Variants in CRYBA4 observed in about 807,000 individuals in gnomAD.
CRYBA4 encodes the protein beta-crystallin A4.
In CRYBA4, 30 loss-of-function variants were observed where a neutral mutation model predicts 31.7. That is an observed-to-expected ratio of 0.95 (90% CI 0.71 to 1.28). CRYBA4 has a LOEUF of 1.28. Among genes scored for constraint, CRYBA4 ranks in the 50% most tolerant of loss-of-function variants. CRYBA4 has a pLI of 0.00. For missense variants in CRYBA4, 225 were observed against 260.7 expected, an observed-to-expected ratio of 0.86 and a Z score of 0.94; for synonymous variants, 102 against 102.3, an observed-to-expected ratio of 1.00 and a Z score of 0.02.
chr22:26,628,546 G>A (rs1181458014), intron 5 of CRYBA4, 116 bp downstream of exon 5: 13 of 1,215,612 alleles, frequency 1.1e-5, no homozygotes, highest in Non-Finnish European at 1.5e-5. Context: ...CATTCCAGAG[G>A]AGAACACTGA....
chr22:26,597,128 T>C, the CRYBA4 span, among the ~76,000 whole-genome samples: 1 of 152,104 alleles, frequency 6.6e-6, no homozygotes, highest in Non-Finnish European at 1.5e-5. Context: ...TGTCTCAACT[T>C]TGAAGCTCAG....
the CRYBA4 span, chr22:26,601,840 T>C: frequency 5.6e-6 from 9 of 1,610,996 alleles, 1 homozygote; most frequent in Middle Eastern, 4.5e-4. Context: ...TGCCTGTGCT[T>C]GAAGCAGGGG....
chr22:26,622,926 A>G (rs1430583227), intron 2 of CRYBA4, among the ~76,000 whole-genome samples: 1 of 152,216 alleles, frequency 6.6e-6, no homozygotes, highest in Admixed American at 6.5e-5. Flanking sequence ...TGGATTTATC[A>G]TCAGCCTTTA....
chr22:26,623,172 C>G (rs1929588314), intron 2 of CRYBA4, 62 bp from the exon 3 acceptor site: 2 of 1,407,134 alleles, frequency 1.4e-6, no homozygotes, highest in African/African-American at 1.4e-5. Context: ...GGCGAGCCCC[C>G]AACCTCTCAC....
chr22:26,601,940 G>C, the CRYBA4 span: 1 of 1,613,294 alleles, frequency 6.2e-7, no homozygotes. Context: ...CAGAGACTGG[G>C]TGCGTCGTCC....
the CRYBA4 span, among the ~76,000 whole-genome samples, chr22:26,604,085 C>T: frequency 6.6e-6 from 1 of 152,224 alleles, no homozygotes; most frequent in Non-Finnish European, 1.5e-5. Flanking sequence ...CAAAAGTCAT[C>T]ATGCACTGTT....
upstream of CRYBA4, among the ~76,000 whole-genome samples, chr22:26,619,918 T>C (rs1322915697): frequency 6.6e-6 from 1 of 152,210 alleles, no homozygotes; most frequent in Non-Finnish European, 1.5e-5. Flanking sequence ...GAGCATTTAT[T>C]ATTATTATTG....
At chr22:26,593,680 T>C in the CRYBA4 span, among the ~76,000 whole-genome samples, 1 of 151,956 alleles carries the variant, frequency 6.6e-6, no homozygotes, top group Admixed American at 6.6e-5. Flanking sequence ...CATGCGCCAA[T>C]ATGCCTGGCT....
chr22:26,600,552 A>G, the CRYBA4 span, among the ~76,000 whole-genome samples: 1 of 152,252 alleles, frequency 6.6e-6, no homozygotes, highest in East Asian at 1.9e-4. Flanking sequence ...AAGGTATCAG[A>G]ACCTCAATGT....
At chr22:26,608,403 G>A in the CRYBA4 span, among the ~76,000 whole-genome samples, 1 of 149,556 alleles carries the variant, frequency 6.7e-6, no homozygotes, top group African/African-American at 2.4e-5. Flanking sequence ...GAAACTTGAC[G>A]CCAGCTAGGA....
chr22:26,619,278 C>T (rs753346103), upstream of CRYBA4, among the ~76,000 whole-genome samples: 2 of 152,144 alleles, frequency 1.3e-5, no homozygotes, highest in South Asian at 2.1e-4. Context: ...GAGCGAGAGA[C>T]GGAGAGACAG....
intron 1 of CRYBA4, 131 bp from the exon 2 acceptor site, chr22:26,622,454 C>T (rs1602337651): frequency 2.6e-6 from 2 of 764,542 alleles, no homozygotes; most frequent in African/African-American, 3.4e-5. Flanking sequence ...AGGCCAAAGC[C>T]ATGCATTGCC....
At chr22:26,611,465 TTTTG>T in the CRYBA4 span, among the ~76,000 whole-genome samples, 25 of 136,392 alleles carry the variant, frequency 1.8e-4, no homozygotes, top group African/African-American at 6.1e-4. Context: ...TTTTTTTTTT[TTTTG>T]TTTTTTTTTT....
chr22:26,615,152 G>A, the CRYBA4 span, among the ~76,000 whole-genome samples: 6 of 152,314 alleles, frequency 3.9e-5, no homozygotes, highest in East Asian at 7.7e-4. Flanking sequence ...ACATGAGAGC[G>A]TGTCATGAAC....
the CRYBA4 span, among the ~76,000 whole-genome samples, chr22:26,605,671 CAAAAA>C: frequency 7.4e-5 from 4 of 54,214 alleles, no homozygotes; most frequent in Non-Finnish European, 1.4e-4. Context: ...AGATGTGTCT[CAAAAA>C]AAAAAAAAAA....
chr22:26,630,550 G>C lies in CRYBA4; in HGVS notation c.*63G>C, dbSNP rs1352304214. 8.5e-5 allele frequency: 125 copies of C among 1,462,092 alleles called. No individual in the cohort carries two copies. Among genetic ancestry groups the C allele is most frequent in the Non-Finnish European group, 1.2e-4 (124 of 1,064,628 alleles). The allele number at this position is 1,462,092 out of a possible 1,614,324, so 90.6% of individuals were successfully genotyped here. A position where few individuals can be genotyped will look rare whatever the true frequency, so the allele number is the denominator to read the frequency against. On this transcript the variant is annotated 3_prime_UTR_variant, in exon 6 of 6. Coordinates refer to ENST00000354760, the MANE Select transcript of CRYBA4 (RefSeq NM_001886.3). ...CTGCAATGGAGGCGCTCTGGAGGCT[G>C]TGGTGTGTTCTCTCCTTCTGCCTCC... is the stretch of plus-strand genomic sequence containing the variant.
At chr22:26,621,163 A>G (rs139827005), upstream of CRYBA4, among the ~76,000 whole-genome samples, 405 of 152,342 alleles carry the variant, frequency 2.7e-3, 1 homozygote, top group Non-Finnish European at 4.4e-3. Context: ...AGTCCTGGAT[A>G]TTTGGCAAGT....
At chr22:26,628,567 G>C (rs1450716119) in intron 5 of CRYBA4, 137 bp downstream of exon 5, 7 of 1,028,306 alleles carry the variant, frequency 6.8e-6, no homozygotes, top group Non-Finnish European at 1.0e-5. Flanking sequence ...GGCACAGGGA[G>C]GTATCAGGCA....
chr22:26,625,505 C>A lies in CRYBA4; in HGVS notation c.183C>A (p.Gly61=), dbSNP rs528221409. Residue 61 remains glycine (G), a synonymous_variant, in exon 4 of 6, where the codon GGC becomes GGA. Transcript: ENST00000354760. ...SGAWVGFEHA[G]FQGQQYILER... is the part of the protein sequence containing the mutation. ...GGTGGGTGGGCTTTGAGCATGCTGG[C>A]TTCCAAGGGCAGCAGTACATTCTGG... 3.1e-6 allele frequency: 5 copies of A among 1,614,042 alleles called. No individual in the cohort carries two copies. In the South Asian group the frequency reaches 5.5e-5, roughly 18 times the overall value.
Sources: allele counts gnomAD v4.1 joint callset (sites outside exome capture counted in the v4.1 genomes callset), GRCh38; gene constraint gnomAD v4.1.1; transcripts MANE v1.5; gene names NCBI Gene and HGNC (gene_info 2026-07-23, HGNC 2026-07-21).